The following ZC3HC1 variants were observed in gnomAD, a reference collection of about 807,000 sequenced individuals.
ZC3HC1 encodes the protein zinc finger C3HC-type protein 1.
A neutral mutation model predicts 61.9 loss-of-function variants in ZC3HC1; 38 were observed. That is an observed-to-expected ratio of 0.61 (90% CI 0.47 to 0.81). The LOEUF is 0.81. ZC3HC1 is among the 30% of genes least tolerant of loss of function. The pLI, the probability that ZC3HC1 is intolerant of heterozygous loss-of-function variation, is 0.00. For synonymous variants in ZC3HC1, 213 were observed against 229.9 expected, an observed-to-expected ratio of 0.93 and a Z score of 0.67; for missense variants, 554 against 622.7, an observed-to-expected ratio of 0.89 and a Z score of 1.17.
intron 1 of ZC3HC1, 43 bp from the exon 2 acceptor site, chr7:130,049,187 C>A: frequency 6.9e-7 from 1 of 1,446,248 alleles, no homozygotes; most frequent in Non-Finnish European, 9.4e-7. Flanking sequence ...TTTCACAGTA[C>A]CCTCTGCTTA....
chr7:130,021,685 G>C (rs1443038160), intron 9 of ZC3HC1, among the ~76,000 whole-genome samples: 1 of 152,186 alleles, frequency 6.6e-6, no homozygotes, highest in Non-Finnish European at 1.5e-5. Context: ...GAAAGAAAAA[G>C]CAGCTGTCTG....
Position 130,023,676 on chromosome 7 carries a change from G to C in ZC3HC1, c.1068C>G (p.Asp356Glu), listed in dbSNP as rs757420514. The C allele has an allele frequency of 1.2e-5, 19 of 1,614,110 alleles. No homozygotes were observed. In the East Asian group the frequency reaches 3.8e-4, roughly 32 times the overall value. Residue 356 changes from aspartate (D) to glutamate (E), a missense_variant, in exon 8 of 10, where the codon GAC (aspartate) becomes GAG (glutamate). Transcript: ENST00000358303. The surrounding 1 kb of genome is among the most constrained non-coding windows in gnomAD (Gnocchi z 4.2). Reference sequence around the variant, plus strand: ...CAGGACGGTCAACAGGACTGGAAGAGTCCCAGCTCCGAGTTCGAGAGACAA... The same window carrying C: ...CAGGACGGTCAACAGGACTGGAAGACTCCCAGCTCCGAGTTCGAGAGACAA... ...GPIVSRTRSWDSSSPVDRPEP... is the reference protein window; with the variant it reads ...GPIVSRTRSWESSSPVDRPEP...
At chr7:130,024,117 T>TA in intron 7 of ZC3HC1, 146 bp downstream of exon 7, 1 of 1,208,968 alleles carries the variant, frequency 8.3e-7, no homozygotes, top group Non-Finnish European at 1.1e-6. Context: ...GCTTCCCCAT[T>TA]AGTGAACAGA....
At chr7:130,028,060 G>A (rs1276776417) in intron 5 of ZC3HC1, among the ~76,000 whole-genome samples, 3 of 146,428 alleles carry the variant, frequency 2.0e-5, no homozygotes, top group African/African-American at 7.5e-5. Flanking sequence ...CCAGCTACTT[G>A]GGAGGCTGAG....
chr7:130,045,102 A>G (rs962634510), intron 2 of ZC3HC1, among the ~76,000 whole-genome samples: 2 of 152,192 alleles, frequency 1.3e-5, no homozygotes, highest in African/African-American at 4.8e-5. Context: ...ATTGGAGGGT[A>G]GTAATTTATC....
rs1293735367 is a variant in ZC3HC1, at chr7:130,018,587, A to G, written c.*77T>C. On this transcript the variant is annotated 3_prime_UTR_variant, in exon 10 of 10. Transcript: ENST00000358303. ...AACAGGAAAAACTTAGTGTCAGCTG[A>G]CCGAAAGGAACTCAGCCTTAATTTT... The G allele has an allele frequency of 1.5e-6, 2 of 1,308,420 alleles. No individual in the cohort carries two copies. Among genetic ancestry groups the G allele is most frequent in the Admixed American group, 1.8e-5 (1 of 54,638 alleles). 81.1% of individuals were successfully genotyped at this position (1,308,420 alleles called of 1,614,324 possible).
chr7:130,044,627 A>G (rs767069839), intron 2 of ZC3HC1, among the ~76,000 whole-genome samples: 1 of 152,242 alleles, frequency 6.6e-6, no homozygotes, highest in Non-Finnish European at 1.5e-5. Context: ...TCAATTACAT[A>G]AAGTTTGATA....
chr7:130,041,616 C>T (rs1794677462), intron 2 of ZC3HC1, among the ~76,000 whole-genome samples: 1 of 150,626 alleles, frequency 6.6e-6, no homozygotes, highest in Non-Finnish European at 1.5e-5. Flanking sequence ...GCAACCTCCA[C>T]TTCCCGGGTT....
intron 2 of ZC3HC1, among the ~76,000 whole-genome samples, chr7:130,042,971 C>T (rs1794736988): frequency 6.6e-6 from 1 of 152,182 alleles, no homozygotes; most frequent in South Asian, 2.1e-4. Context: ...AGGTATGAGC[C>T]ACCTCGCCCA....
Position 130,024,524 on chromosome 7 carries a change from A to G in ZC3HC1, c.777-18T>C, listed in dbSNP as rs771191652. The G allele has an allele frequency of 6.9e-6, 11 of 1,589,150 alleles. No homozygotes were observed. In the African/African-American group the frequency reaches 1.5e-4, roughly 21 times the overall value. ...AAGAGGAACTAGATAGGAATGAAAA[A>G]GAGAGTTTTCTCAAAGTGTAACATT... is the stretch of plus-strand genomic sequence containing the variant. On this transcript the variant is annotated intron_variant, in intron 6 of 9. Coordinates refer to ENST00000358303, the MANE Select transcript of ZC3HC1 (RefSeq NM_016478.5).
chr7:130,028,812 A>T lies in ZC3HC1; in HGVS notation c.621+90T>A. The T allele has an allele frequency of 3.3e-6, 5 of 1,518,432 alleles. No individual in the cohort carries two copies. In the South Asian group the frequency reaches 6.4e-5, roughly 19 times the overall value. 94.1% of individuals were successfully genotyped at this position (1,518,432 alleles called of 1,614,324 possible). A position where few individuals can be genotyped will look rare whatever the true frequency, so the allele number is the denominator to read the frequency against. ...CAGACAAGCAGTTCTCTTCACAGCA[A>T]TTGCATCTTCTTGTCATTAAAAGAA... On this transcript the variant is annotated intron_variant, in intron 5 of 9. Transcript: ENST00000358303.
intron 3 of ZC3HC1, among the ~76,000 whole-genome samples, chr7:130,039,910 G>C (rs1470922952): frequency 2.0e-5 from 3 of 151,240 alleles, no homozygotes; most frequent in Non-Finnish European, 4.4e-5. Flanking sequence ...AGTAGAAATG[G>C]GGTTTCACCA....
chr7:130,043,896 A>G, intron 2 of ZC3HC1: 1 of 452,118 alleles, frequency 2.2e-6, no homozygotes, highest in Non-Finnish European at 4.4e-6. Context: ...TATATTAAGG[A>G]TAACAAATTA....
At position 130,018,680 on chromosome 7, in the gene ZC3HC1, G is replaced by C; in HGVS notation, c.1493C>G (p.Ser498Cys). ...GGAGTATCTTCAGCATGAGCACAGAGATTCCCACTGCCGAAATATTCGGAA... is the reference window on the plus strand; with the variant it reads ...GGAGTATCTTCAGCATGAGCACAGACATTCCCACTGCCGAAATATTCGGAA... ...KVFRIFRQWE[S>C]LCSC is the part of the protein sequence containing the mutation. The change falls in exon 10 of 10, where the codon TCT (serine) becomes TGT (cysteine). Residue 498 changes from serine (S) to cysteine (C), a missense_variant. Physicochemically the swap from Ser to Cys is moderately radical, Grantham distance 112 (BLOSUM62 -1). Coordinates refer to ENST00000358303, the MANE Select transcript of ZC3HC1 (RefSeq NM_016478.5). 6.2e-7 allele frequency: 1 copy of C among 1,612,322 alleles called. No individual in the cohort carries two copies.
At chr7:130,050,752 C>G (rs970690663) in intron 1 of ZC3HC1, among the ~76,000 whole-genome samples, 1 of 152,178 alleles carries the variant, frequency 6.6e-6, no homozygotes, top group Non-Finnish European at 1.5e-5. Context: ...ATTATGGACT[C>G]TTTAATAAAA....
At chr7:130,029,828 G>C (rs1794097865) in intron 4 of ZC3HC1, among the ~76,000 whole-genome samples, 1 of 152,120 alleles carries the variant, frequency 6.6e-6, no homozygotes, top group African/African-American at 2.4e-5. Flanking sequence ...TAACTACCAA[G>C]TTATAACTTA....
chr7:130,024,650 G>T, intron 6 of ZC3HC1, 144 bp from the exon 7 acceptor site: 2 of 926,240 alleles, frequency 2.2e-6, no homozygotes, highest in Non-Finnish European at 3.1e-6. Flanking sequence ...CCAGTCTCAG[G>T]ACCCAGCTTC....
Position 130,026,253 on chromosome 7 carries a change from G to T in ZC3HC1, c.681C>A (p.His227Gln). 1 of 1,614,062 alleles carries T rather than the reference G, an allele frequency of 6.2e-7. No homozygotes were observed. The highest frequency in any genetic ancestry group is 8.5e-7 in the Non-Finnish European group (1 of 1,179,992). Reference protein sequence around the residue: ...LLHLLEDELDHRTDERKTTIK... With the variant: ...LLHLLEDELDQRTDERKTTIK... ...TTGTAGTTTTTCTCTCATCAGTTCG[G>T]TGATCAAGTTCATCTTCAAGCAAGT... The change falls in exon 6 of 10, where the codon CAC becomes CAA. Residue 227 changes from histidine (H) to glutamine (Q), a missense_variant. By Grantham distance (24) the His-to-Gln change is conservative. Coordinates refer to ENST00000358303, the MANE Select transcript of ZC3HC1 (RefSeq NM_016478.5).
intron 4 of ZC3HC1, among the ~76,000 whole-genome samples, chr7:130,033,182 G>A (rs757083572): frequency 6.6e-6 from 1 of 152,030 alleles, no homozygotes; most frequent in African/African-American, 2.4e-5. Context: ...ACAGGTATGC[G>A]TAACCATGCC....
Sources: allele counts gnomAD v4.1 joint callset (sites outside exome capture counted in the v4.1 genomes callset), GRCh38; gene constraint gnomAD v4.1.1; non-coding constraint Gnocchi (gnomAD v3.1); transcripts MANE v1.5; gene names NCBI Gene and HGNC (gene_info 2026-07-23, HGNC 2026-07-21).